The following BAZ2B variants were observed in gnomAD, a reference collection of about 807,000 sequenced individuals.
BAZ2B encodes the protein bromodomain adjacent to zinc finger domain protein 2B.
BAZ2B carries 91 observed loss-of-function variants against 246.0 expected under a neutral mutation model. That is an observed-to-expected ratio of 0.37 (90% CI 0.31 to 0.44). The LOEUF is 0.44. Ranked by LOEUF, BAZ2B falls within the 20% of genes least tolerant of loss-of-function variation. The pLI is 1.00. For missense variants in BAZ2B, 2,332 were observed against 2,533.7 expected (o/e 0.92, Z 1.71); for synonymous variants, 855 against 860.0 (o/e 0.99, Z 0.10).
At chr2:159,566,724 G>C (rs1285603521) in intron 1 of BAZ2B, among the ~76,000 whole-genome samples, 1 of 152,090 alleles carries the variant, frequency 6.6e-6, no homozygotes, top group Non-Finnish European at 1.5e-5. Flanking sequence ...TTACGTATTT[G>C]TGTAAATTAA....
At position 159,337,134 on chromosome 2, in the gene BAZ2B, T is replaced by C; in HGVS notation, c.5661-57A>G. The C allele has an allele frequency of 2.2e-5, 34 of 1,545,804 alleles. 1 individual carries two copies. The highest frequency in any genetic ancestry group is 2.7e-5 in the Non-Finnish European group (31 of 1,134,552). On this transcript the variant is annotated intron_variant, in intron 32 of 36. Transcript: ENST00000392783. ...CATGTCCACACTTACGATTACGGAA[T>C]GTGAAACAATCATCACACTGAAAGC...
intron 13 of BAZ2B, among the ~76,000 whole-genome samples, chr2:159,426,760 G>C (rs2069986682): frequency 6.6e-6 from 1 of 152,058 alleles, no homozygotes; most frequent in African/African-American, 2.4e-5. Context: ...TCTCAGCCTT[G>C]TGTGTGACCT....
At chr2:159,477,916 G>A (rs1398788395) in intron 3 of BAZ2B, among the ~76,000 whole-genome samples, 10 of 152,104 alleles carry the variant, frequency 6.6e-5, no homozygotes, top group African/African-American at 1.2e-4. Context: ...TCCATCTCCC[G>A]GGTTCAAGCG....
intron 2 of BAZ2B, among the ~76,000 whole-genome samples, chr2:159,548,425 A>G (rs1431949395): frequency 1.3e-5 from 2 of 152,226 alleles, no homozygotes; most frequent in East Asian, 3.8e-4. Flanking sequence ...CACTTTTCAG[A>G]TAATGACTTA....
chr2:159,618,035 AATT>A (rs780281317), upstream of BAZ2B, among the ~76,000 whole-genome samples: 29 of 152,336 alleles, frequency 1.9e-4, no homozygotes, highest in East Asian at 3.8e-3. Context: ...ATATGTTTTT[AATT>A]ATTATTTTTG....
intron 27 of BAZ2B, among the ~76,000 whole-genome samples, chr2:159,362,739 T>C (rs1489753826): frequency 6.6e-6 from 1 of 152,198 alleles, no homozygotes; most frequent in South Asian, 2.1e-4. Context: ...CGCCTGAGAA[T>C]GGCAGAAGCC....
At chr2:159,356,713 C>G (rs961093777) in intron 27 of BAZ2B, among the ~76,000 whole-genome samples, 1 of 152,174 alleles carries the variant, frequency 6.6e-6, no homozygotes, top group Non-Finnish European at 1.5e-5. Flanking sequence ...CGACAGACAC[C>G]TCATATGGTA....
At chr2:159,341,480 C>T (rs777099405) in intron 31 of BAZ2B, among the ~76,000 whole-genome samples, 20 of 152,210 alleles carry the variant, frequency 1.3e-4, no homozygotes, top group African/African-American at 2.4e-4. Context: ...ATTTTCTAGA[C>T]AGAAAATCAA....
Position 159,404,803 on chromosome 2 carries a change from A to G in BAZ2B, c.2832+46T>C, listed in dbSNP as rs369821021. The G allele has an allele frequency of 6.0e-5, 91 of 1,504,832 alleles. No homozygotes were observed. The African/African-American group carries it at 1.1e-3, about 19-fold the overall frequency. The allele number at this position is 1,504,832 out of a possible 1,614,324, so 93.2% of individuals were successfully genotyped here. A position where few individuals can be genotyped will look rare whatever the true frequency, so the allele number is the denominator to read the frequency against. On this transcript the variant is annotated intron_variant, in intron 16 of 36. Transcript: ENST00000392783. ...AATGTACATTACTAACAAATCCTCA[A>G]AATAAGTCCCATATTTTAAAAGTCA...
At chr2:159,391,576 T>C (rs2063334520) in intron 20 of BAZ2B, among the ~76,000 whole-genome samples, 1 of 152,176 alleles carries the variant, frequency 6.6e-6, no homozygotes, top group African/African-American at 2.4e-5. Context: ...TGATGCTCTT[T>C]TCACTGTGCC....
At chr2:159,368,951 T>C (rs1380184921) in intron 27 of BAZ2B, among the ~76,000 whole-genome samples, 1 of 151,632 alleles carries the variant, frequency 6.6e-6, no homozygotes, top group Non-Finnish European at 1.5e-5. Flanking sequence ...CTTATTTAAA[T>C]CTTAAAGTAT....
In BAZ2B at chr2:159,432,826, C is replaced by T. The variant is rs1310895430; in HGVS notation, c.1831G>A (p.Glu611Lys). 5 of 1,613,994 alleles carry T rather than the reference C, an allele frequency of 3.1e-6. No homozygotes were observed. The highest frequency in any genetic ancestry group is 4.2e-6 in the Non-Finnish European group (5 of 1,179,994). ...SKDSEDSNED[E>K]EEDDEEEDEE... is the part of the protein sequence containing the mutation. ...TCTTCTTCTTCATCATCTTCCTCTT[C>T]ATCCTCATTTGAATCTTCAGAATCT... is the stretch of plus-strand genomic sequence containing the variant. The change falls in exon 9 of 37, where the codon GAA becomes AAA. Residue 611 changes from glutamate (E) to lysine (K), a missense_variant. By Grantham distance (56) the Glu-to-Lys change is moderately conservative. Around this residue, in one of 9 missense-constraint regions of BAZ2B, gnomAD observed 651 missense variants for 650.9 expected, o/e 1.00. Transcript: ENST00000392783.
At chr2:159,417,746 T>C (rs924195471) in intron 13 of BAZ2B, among the ~76,000 whole-genome samples, 3 of 152,180 alleles carry the variant, frequency 2.0e-5, no homozygotes, top group Admixed American at 6.5e-5. Flanking sequence ...GGCATAACAT[T>C]ATCTAAAAGT....
chr2:159,452,551 T>C (rs1269135568), intron 4 of BAZ2B, among the ~76,000 whole-genome samples: 2 of 152,226 alleles, frequency 1.3e-5, no homozygotes, highest in African/African-American at 4.8e-5. Flanking sequence ...AGAATTATGC[T>C]ATAACGTTTT....
the BAZ2B span, among the ~76,000 whole-genome samples, chr2:159,676,647 G>GCACACACACACACACACA: frequency 4.2e-3 from 555 of 132,620 alleles, 9 homozygotes; most frequent in Non-Finnish European, 6.2e-3. Flanking sequence ...GTATCTAAAT[G>GCACACACACACACACACA]CACACACACA....
the BAZ2B span, among the ~76,000 whole-genome samples, chr2:159,692,789 A>G: frequency 6.6e-6 from 1 of 152,184 alleles, no homozygotes. Context: ...TATGGTCATA[A>G]TATGTTATTT....
At chr2:159,495,146 A>G (rs1227526987) in intron 2 of BAZ2B, among the ~76,000 whole-genome samples, 11 of 152,232 alleles carry the variant, frequency 7.2e-5, no homozygotes. Flanking sequence ...AGGGATATCT[A>G]TATTAAAAGT....
chr2:159,448,412 C>G lies in BAZ2B; in HGVS notation c.335-3G>C, dbSNP rs2074563533. ...AGTTGTTCGCCACCATTCTGCACCT[C>G]AAAACCAAACAAACCAACCAAACAA... On this transcript the variant is annotated splice_region_variant and splice_polypyrimidine_tract_variant and intron_variant, in intron 4 of 36. Transcript: ENST00000392783. The G allele has an allele frequency of 6.5e-7, 1 of 1,541,224 alleles. No individual in the cohort carries two copies.
At position 159,464,135 on chromosome 2, in the gene BAZ2B, A is replaced by T. The variant is rs529914347; in HGVS notation, c.146-10334T>A. The T allele has an allele frequency of 2.6e-5, 4 of 152,334 alleles. No homozygotes were observed. The East Asian group carries it at 7.7e-4, about 29-fold the overall frequency. 9.4% of individuals were successfully genotyped at this position (152,334 alleles called of 1,614,324 possible). The stretch of plus-strand genomic sequence containing the variant: ...ATGTTATCATCTTACATGACTAAAG[A>T]ACAACTTTCCAAACTAAGAAATTAA... On this transcript the variant is annotated intron_variant, in intron 3 of 36. Transcript: ENST00000392783.
Sources: gnomAD v4.1 joint callset for allele counts (sites outside exome capture counted in the v4.1 genomes callset) on GRCh38, gnomAD v4.1.1 for gene constraint, gnomAD v4.1.1 regional missense constraint, MANE v1.5 for transcripts, NCBI Gene and HGNC (gene_info 2026-07-23, HGNC 2026-07-21) for gene names.